Variants in ZHX3 observed in about 807,000 individuals in gnomAD.
The protein encoded by ZHX3 is zinc fingers and homeoboxes 3.
In ZHX3, 20 loss-of-function variants were observed where a neutral mutation model predicts 64.5. That is an observed-to-expected ratio of 0.31 (90% confidence interval 0.22 to 0.45). ZHX3 has a LOEUF of 0.45. ZHX3 is among the 20% of genes least tolerant of loss of function. The pLI is 1.00. For synonymous variants in ZHX3, 423 were observed against 461.6 expected (o/e 0.92, Z 1.07); for missense variants, 1,041 against 1,195.8 (o/e 0.87, Z 1.91).
chr20:41,294,675 T>C (rs1195345530), intron 1 of ZHX3, among the ~76,000 whole-genome samples: 3 of 151,932 alleles, frequency 2.0e-5, no homozygotes, highest in Admixed American at 6.6e-5. Flanking sequence ...AGCAATAGTT[T>C]TTAAAACCTA....
intron 1 of ZHX3, among the ~76,000 whole-genome samples, chr20:41,301,279 C>T (rs566617050): frequency 6.6e-6 from 1 of 152,284 alleles, no homozygotes; most frequent in African/African-American, 2.4e-5. Context: ...CCCCACTACC[C>T]ATTCTCCATA....
intron 3 of ZHX3, among the ~76,000 whole-genome samples, chr20:41,196,277 T>A (rs1043660458): frequency 4.8e-5 from 6 of 125,212 alleles, no homozygotes; most frequent in African/African-American, 1.5e-4. Flanking sequence ...TATATATATA[T>A]AATATATATA....
chr20:41,244,390 G>A (rs763036166), intron 2 of ZHX3, among the ~76,000 whole-genome samples: 2 of 152,198 alleles, frequency 1.3e-5, no homozygotes, highest in Non-Finnish European at 2.9e-5. Context: ...CAAACGGAGG[G>A]TCAGGCACAG....
chr20:41,242,727 C>T (rs752383156), intron 2 of ZHX3, among the ~76,000 whole-genome samples: 4 of 152,160 alleles, frequency 2.6e-5, no homozygotes, highest in Non-Finnish European at 4.4e-5. Flanking sequence ...CTGATGTGGA[C>T]AGACTTCTAT....
chr20:41,197,999 CTTTTTTT>C lies in ZHX3; in HGVS notation c.2860+4051_2860+4057del, dbSNP rs11478855. Among the ~76,000 whole-genome samples, 8 of 110,394 alleles carry C rather than the reference CTTTTTTT, an allele frequency of 7.2e-5. No individual in the cohort carries two copies. In the Admixed American group the frequency reaches 7.9e-4, roughly 11 times the overall value. 72.4% of individuals were successfully genotyped at this position (110,394 alleles called of 152,430 possible). A position where few individuals can be genotyped will look rare whatever the true frequency, so the allele number is the denominator to read the frequency against. ...CTCTAAAGTTATCTTAACTAGTGCT[CTTTTTTT>C]TTTTTTTTTTTTTTGTGATGGAGTC... On this transcript the variant is annotated intron_variant, in intron 3 of 3. Coordinates refer to ENST00000683867, the MANE Select transcript of ZHX3 (RefSeq NM_001384317.1).
chr20:41,206,435 T>C (rs1357170065), intron 2 of ZHX3, among the ~76,000 whole-genome samples: 34 of 152,076 alleles, frequency 2.2e-4, no homozygotes. Context: ...CTAACTAGAA[T>C]GAACAGTGTA....
At chr20:41,292,215 T>G (rs2044284291) in intron 1 of ZHX3, among the ~76,000 whole-genome samples, 1 of 152,042 alleles carries the variant, frequency 6.6e-6, no homozygotes, top group Non-Finnish European at 1.5e-5. Flanking sequence ...GAATTTAATG[T>G]CTAGTTACAG....
intron 3 of ZHX3, among the ~76,000 whole-genome samples, chr20:41,190,027 ATG>A (rs1301972242): frequency 8.6e-5 from 13 of 151,918 alleles, no homozygotes; most frequent in Non-Finnish European, 1.9e-4. Context: ...TCATGAAGCA[ATG>A]TTGAATTTTA....
At chr20:41,286,035 G>A (rs2043920360) in intron 1 of ZHX3, among the ~76,000 whole-genome samples, 1 of 152,194 alleles carries the variant, frequency 6.6e-6, no homozygotes, top group Admixed American at 6.5e-5. Context: ...TGTTGAGAAT[G>A]CACTTTCTTG....
At chr20:41,197,129 C>CT (rs1427788929) in intron 3 of ZHX3, 1 of 216,664 alleles carries the variant, frequency 4.6e-6, no homozygotes, top group African/African-American at 2.3e-5. Flanking sequence ...TACAATGCTT[C>CT]TGAGGTTGCC....
intron 1 of ZHX3, among the ~76,000 whole-genome samples, chr20:41,309,893 A>T (rs2045079694): frequency 6.6e-6 from 1 of 152,192 alleles, no homozygotes; most frequent in Non-Finnish European, 1.5e-5. Context: ...CATTTCAGTC[A>T]CTTATATCTG....
At chr20:41,290,830 T>C (rs2044199299) in intron 1 of ZHX3, among the ~76,000 whole-genome samples, 2 of 152,178 alleles carry the variant, frequency 1.3e-5, no homozygotes, top group South Asian at 4.1e-4. Flanking sequence ...TGTGGAAAAG[T>C]GGCTACAGGG....
At chr20:41,260,524 C>A (rs181015756) in intron 2 of ZHX3, among the ~76,000 whole-genome samples, 2 of 152,326 alleles carry the variant, frequency 1.3e-5, no homozygotes, top group East Asian at 3.9e-4. Context: ...TCCTTAAAAA[C>A]TTGAGGGAAT....
chr20:41,242,129 TAAC>T (rs2041421204), intron 2 of ZHX3, among the ~76,000 whole-genome samples: 1 of 152,196 alleles, frequency 6.6e-6, no homozygotes. Context: ...TCAAGAAGTG[TAAC>T]AACTACTACT....
intron 1 of ZHX3, among the ~76,000 whole-genome samples, chr20:41,304,437 C>T (rs1016811153): frequency 1.3e-5 from 2 of 152,182 alleles, no homozygotes; most frequent in Admixed American, 6.5e-5. Flanking sequence ...CCAGCTCAAA[C>T]TCAACATGGC....
At chr20:41,311,693 C>G (rs1389751006) in intron 1 of ZHX3, among the ~76,000 whole-genome samples, 1 of 152,148 alleles carries the variant, frequency 6.6e-6, no homozygotes, top group Admixed American at 6.5e-5. Context: ...ATATTCTTAG[C>G]TATGTAACTT....
Position 41,182,849 on chromosome 20 carries a change from G to GA in ZHX3, c.*2341dup, listed in dbSNP as rs1282955562. 2 of 152,278 alleles carry GA rather than the reference G, an allele frequency of 1.3e-5. No individual in the cohort carries two copies. The highest frequency in any genetic ancestry group is 4.8e-5 in the African/African-American group (2 of 41,468). The allele number at this position is 152,278 out of a possible 1,614,324, so 9.4% of individuals were successfully genotyped here. Reference sequence around the variant, plus strand: ...GGCTGGGTCACTGTAGGTCCTGCATGAACTTGTCCACCAACTGTGTTTTGC... The same window carrying GA: ...GGCTGGGTCACTGTAGGTCCTGCATGAAACTTGTCCACCAACTGTGTTTTGC... On this transcript the variant is annotated 3_prime_UTR_variant, in exon 4 of 4. Coordinates refer to ENST00000683867, the MANE Select transcript of ZHX3 (RefSeq NM_001384317.1). This position sits in a 1 kb window ranked among gnomAD's most constrained non-coding sequence, Gnocchi z 6.1.
chr20:41,187,044 C>T (rs529245569), intron 3 of ZHX3, among the ~76,000 whole-genome samples: 13 of 152,074 alleles, frequency 8.5e-5, no homozygotes, highest in African/African-American at 3.1e-4. Context: ...ATTGCCTGGC[C>T]AGATGGGGTG....
chr20:41,248,861 T>TC (rs2041848186), intron 2 of ZHX3, among the ~76,000 whole-genome samples: 1 of 152,114 alleles, frequency 6.6e-6, no homozygotes, highest in Non-Finnish European at 1.5e-5. Flanking sequence ...AAAAGATTTT[T>TC]CCCCCCTGAC....
Sources: allele counts gnomAD v4.1 joint callset (sites outside exome capture counted in the v4.1 genomes callset), GRCh38; gene constraint gnomAD v4.1.1; non-coding constraint Gnocchi (gnomAD v3.1); transcripts MANE v1.5; gene names NCBI Gene and HGNC (gene_info 2026-07-23, HGNC 2026-07-21).